The following XPO1 variants were observed in gnomAD, a reference collection of about 807,000 sequenced individuals.
The protein encoded by XPO1 is exportin 1, also known as exportin-1.
A neutral mutation model predicts 133.3 loss-of-function variants in XPO1; 5 were observed. The observed-to-expected ratio is 0.04, with a 90% CI of 0.02 to 0.08. XPO1 has a LOEUF of 0.08. Ranked by LOEUF, XPO1 falls within the 10% of genes least tolerant of loss-of-function variation. The pLI, the probability that XPO1 is intolerant of heterozygous loss-of-function variation, is 1.00. For missense variants in XPO1, 506 were observed against 1,267.5 expected (o/e 0.40, Z 9.12); for synonymous variants, 419 against 408.2 (o/e 1.03, Z -0.32).
chr2:61,482,699 C>T (rs567420859), intron 22 of XPO1, 160 bp from the exon 23 acceptor site: 151 of 783,232 alleles, frequency 1.9e-4, no homozygotes, highest in Non-Finnish European at 2.6e-4. Context: ...TCTGCCTCCT[C>T]GGTCCAAGCC....
At position 61,494,065 on chromosome 2, in the gene XPO1, A is replaced by G; in HGVS notation, c.1074T>C (p.Ser358=). 6.2e-7 allele frequency: 1 copy of G among 1,613,918 alleles called. No individual in the cohort carries two copies. Among genetic ancestry groups the G allele is most frequent in the Non-Finnish European group, 8.5e-7 (1 of 1,179,952 alleles). The change falls in exon 12 of 25, where the codon TCT becomes TCC. Residue 358 remains serine (S), a synonymous_variant. Coordinates refer to ENST00000401558, the MANE Select transcript of XPO1 (RefSeq NM_003400.4). The part of the protein sequence containing the change: ...MEALHYMLLV[S]EVEETEIFKI... ...TAAAGATTTCAGTTTCTTCTACTTC[A>G]GATACCAACAACATATAATGAAGGG...
Position 61,488,178 on chromosome 2 carries a change from T to A in XPO1, c.2300A>T (p.Asn767Ile). 1 of 1,613,960 alleles carries A rather than the reference T, an allele frequency of 6.2e-7. No individual in the cohort carries two copies. ...TCTCTCACTTACCATCTGTGGATCA[T>A]TGGATCGGCTCACCCAACCAGATAT... ...KLISGWVSRS[N>I]DPQMVAENFV... Residue 767 changes from asparagine (N) to isoleucine (I), a missense_variant, in exon 19 of 25, where the codon AAT (asparagine) becomes ATT (isoleucine). By Grantham distance (149) the Asn-to-Ile change is moderately radical. Coordinates refer to ENST00000401558, the MANE Select transcript of XPO1 (RefSeq NM_003400.4).
At chr2:61,481,316 T>C (rs1266535755) in intron 23 of XPO1, 35 bp from the exon 24 acceptor site, 1 of 1,537,900 alleles carries the variant, frequency 6.5e-7, no homozygotes, top group East Asian at 2.3e-5. Context: ...AATAATGATT[T>C]ATTTTTCCCC....
chr2:61,538,144 A>C lies in XPO1; in HGVS notation c.-589T>G, dbSNP rs1179346168. The stretch of plus-strand genomic sequence containing the variant: ...TCTGGGTGGTTGCACGGACTGCAGC[A>C]GCAAAGACTGGAACAGGCACCGCCG... On this transcript the variant is annotated 5_prime_UTR_variant, in exon 1 of 25. Coordinates refer to ENST00000401558, the MANE Select transcript of XPO1 (RefSeq NM_003400.4). 9.6e-6 allele frequency: 2 copies of C among 208,992 alleles called. No homozygotes were observed. Among genetic ancestry groups the C allele is most frequent in the African/African-American group, 4.8e-5 (2 of 41,894 alleles). 12.9% of individuals were successfully genotyped at this position (208,992 alleles called of 1,614,324 possible).
At position 61,482,614 on chromosome 2, in the gene XPO1, T is replaced by TTG; in HGVS notation, c.2813-76_2813-75insCA. The TTG allele has an allele frequency of 1.2e-5, 10 of 845,872 alleles. No homozygotes were observed. In the African/African-American group the frequency reaches 2.7e-4, roughly 23 times the overall value. The allele number at this position is 845,872 out of a possible 1,614,324, so 52.4% of individuals were successfully genotyped here. ...ATCTTAGCGTTTTTTTTTGTTTTGT[T>TTG]TTTTTTTTTTAGACGGAGTCTCGCT... On this transcript the variant is annotated intron_variant, in intron 22 of 24. Transcript: ENST00000401558.
At chr2:61,479,573 C>G (rs897579394) in intron 24 of XPO1, among the ~76,000 whole-genome samples, 1 of 152,118 alleles carries the variant, frequency 6.6e-6, no homozygotes, top group African/African-American at 2.4e-5. Context: ...GTATATACAC[C>G]TACTATGTAT....
chr2:61,521,891 C>A (rs1369590964), intron 4 of XPO1, among the ~76,000 whole-genome samples: 1 of 151,288 alleles, frequency 6.6e-6, no homozygotes, highest in Non-Finnish European at 1.5e-5. Flanking sequence ...ATACCCCTGT[C>A]CCCGCCGCCA....
chr2:61,482,797 T>C (rs1157864885), intron 22 of XPO1, 160 bp downstream of exon 22: 12 of 869,022 alleles, frequency 1.4e-5, no homozygotes, highest in Admixed American at 6.2e-5. Context: ...TATTTTTTTA[T>C]GGTATTTTTA....
At chr2:61,500,578 CAAAAAA>C (rs56213841) in intron 6 of XPO1, among the ~76,000 whole-genome samples, 17 of 40,412 alleles carry the variant, frequency 4.2e-4, no homozygotes, top group East Asian at 6.6e-4. Context: ...GACTCCATCT[CAAAAAA>C]AAAAAAAAAA....
rs1223551801 is a variant in XPO1 at position 61,478,033 on chromosome 2, AGTT to A, written c.*784_*786del. ...TAGTATAAGTCATCTCAAAAGCCAGAGTTGTTTTGTTTTTTAATGAGTTGTTAA... is the reference window on the plus strand; with the variant it reads ...TAGTATAAGTCATCTCAAAAGCCAGAGTTTTGTTTTTTAATGAGTTGTTAA... On this transcript the variant is annotated 3_prime_UTR_variant, in exon 25 of 25. Transcript: ENST00000401558. 8.6e-6 allele frequency: 2 copies of A among 232,758 alleles called. No homozygotes were observed. Among genetic ancestry groups the A allele is most frequent in the South Asian group, 1.8e-4 (1 of 5,526 alleles). 14.4% of individuals were successfully genotyped at this position (232,758 alleles called of 1,614,324 possible).
At position 61,514,524 on chromosome 2, in the gene XPO1, CAG is replaced by C. The variant is rs908693335; in HGVS notation, c.301+8085_301+8086del. Among the ~76,000 whole-genome samples, 7 of 149,204 alleles carry C rather than the reference CAG, an allele frequency of 4.7e-5. No individual in the cohort carries two copies. In the Admixed American group the frequency reaches 4.7e-4, roughly 10 times the overall value. ...AGGAGAATCGCTTGAACCCGGGAAA[CAG>C]AGGTTGCAGTCAGCCGAGATCAGGC... On this transcript the variant is annotated intron_variant, in intron 4 of 24. Coordinates refer to ENST00000401558, the MANE Select transcript of XPO1 (RefSeq NM_003400.4).
Position 61,537,783 on chromosome 2 carries a change from A to C in XPO1, c.-228T>G, listed in dbSNP as rs868117779. The C allele has an allele frequency of 1.2e-4, 16 of 130,986 alleles. No homozygotes were observed. Among genetic ancestry groups the C allele is most frequent in the South Asian group, 2.5e-4 (1 of 4,008 alleles). 8.1% of individuals were successfully genotyped at this position (130,986 alleles called of 1,614,324 possible). A position where few individuals can be genotyped will look rare whatever the true frequency, so the allele number is the denominator to read the frequency against. On this transcript the variant is annotated 5_prime_UTR_variant, in exon 1 of 25. Coordinates refer to ENST00000401558, the MANE Select transcript of XPO1 (RefSeq NM_003400.4). ...CACACACACACACACACACACACAC[A>C]CCCGCCCCCCCCCAAAAGGGGAATT...
At chr2:61,521,669 A>G (rs903284809) in intron 4 of XPO1, among the ~76,000 whole-genome samples, 26 of 152,188 alleles carry the variant, frequency 1.7e-4, no homozygotes, top group African/African-American at 6.3e-4. Context: ...AGGCATTCCC[A>G]GAACCACAAA....
intron 4 of XPO1, among the ~76,000 whole-genome samples, chr2:61,518,618 AACAAAAACAAAC>A (rs890786458): frequency 2.6e-5 from 4 of 152,072 alleles, no homozygotes; most frequent in African/African-American, 7.2e-5. Context: ...CTCTGTCTTA[AACAAAAACAAAC>A]ACAAAAACAG....
intron 4 of XPO1, among the ~76,000 whole-genome samples, chr2:61,519,786 T>A (rs1698601096): frequency 6.7e-6 from 1 of 148,766 alleles, no homozygotes; most frequent in East Asian, 2.0e-4. Context: ...AAATTCTACA[T>A]CAGAAAAAAA....
intron 6 of XPO1, among the ~76,000 whole-genome samples, chr2:61,500,180 T>C (rs1212180165): frequency 6.6e-6 from 1 of 152,082 alleles, no homozygotes; most frequent in African/African-American, 2.4e-5. Context: ...GCCTGATAGA[T>C]ATGTAGAAAT....
chr2:61,532,318 G>A (rs1699190632), intron 2 of XPO1, among the ~76,000 whole-genome samples: 1 of 151,738 alleles, frequency 6.6e-6, no homozygotes, highest in Non-Finnish European at 1.5e-5. Context: ...TAGTAGAGAC[G>A]GGGTTTCACC....
intron 4 of XPO1, among the ~76,000 whole-genome samples, chr2:61,504,202 A>AT (rs1405988587): frequency 3.3e-5 from 5 of 152,342 alleles, no homozygotes; most frequent in Non-Finnish European, 5.9e-5. Flanking sequence ...TTACTTATGG[A>AT]TCTCTTCATA....
intron 4 of XPO1, among the ~76,000 whole-genome samples, chr2:61,516,996 C>T (rs1371651622): frequency 6.6e-6 from 1 of 152,082 alleles, no homozygotes; most frequent in Non-Finnish European, 1.5e-5. Flanking sequence ...CTCCACCTCC[C>T]AGGTTCAACC....
Sources: gnomAD v4.1 joint callset for allele counts (sites outside exome capture counted in the v4.1 genomes callset) on GRCh38, gnomAD v4.1.1 for gene constraint, MANE v1.5 for transcripts, NCBI Gene and HGNC (gene_info 2026-07-23, HGNC 2026-07-21) for gene names.